RSPO2: variants seen among roughly 807,000 people sequenced by gnomAD.
RSPO2 encodes the protein R-spondin 2.
A neutral mutation model predicts 30.9 loss-of-function variants in RSPO2; 14 were observed. The observed-to-expected ratio is 0.45, with a 90% CI of 0.30 to 0.71. The LOEUF (loss-of-function observed/expected upper bound fraction) is 0.71. RSPO2 is among the 30% of genes least tolerant of loss of function. The pLI, the probability that RSPO2 is intolerant of heterozygous loss-of-function variation, is 0.08. For missense variants in RSPO2, 264 were observed against 301.9 expected (o/e 0.87, Z 0.93); for synonymous variants, 107 against 96.4 (o/e 1.11, Z -0.64).
intron 2 of RSPO2, among the ~76,000 whole-genome samples, chr8:108,038,488 T>C (rs532672209): frequency 6.6e-6 from 1 of 152,282 alleles, no homozygotes; most frequent in South Asian, 2.1e-4. Flanking sequence ...AGTGGCAAGG[T>C]TTGACAGGAT....
chr8:107,988,977 A>G (rs1814747756), intron 3 of RSPO2, 79 bp downstream of exon 3: 5 of 1,306,936 alleles, frequency 3.8e-6, no homozygotes, highest in Admixed American at 2.6e-5. Flanking sequence ...TTTTAAAAAA[A>G]TCATTCAAAA....
intron 2 of RSPO2, among the ~76,000 whole-genome samples, chr8:108,077,984 A>G (rs1813065323): frequency 6.6e-6 from 1 of 152,102 alleles, no homozygotes; most frequent in Non-Finnish European, 1.5e-5. Context: ...TCCAAAAGAA[A>G]TAGTTTAAAG....
At chr8:108,081,220 T>C (rs967562703) in intron 2 of RSPO2, among the ~76,000 whole-genome samples, 2 of 152,150 alleles carry the variant, frequency 1.3e-5, no homozygotes, top group African/African-American at 4.8e-5. Context: ...TTTGGAGCTC[T>C]GCGCTCAGGT....
chr8:107,937,929 A>T (rs983174702), intron 5 of RSPO2, among the ~76,000 whole-genome samples: 1 of 152,094 alleles, frequency 6.6e-6, no homozygotes, highest in Non-Finnish European at 1.5e-5. Flanking sequence ...ATATACACAC[A>T]CTGAACAAAT....
intron 5 of RSPO2, among the ~76,000 whole-genome samples, chr8:107,910,715 T>C (rs1276968974): frequency 1.3e-5 from 2 of 152,052 alleles, no homozygotes; most frequent in Non-Finnish European, 2.9e-5. Context: ...ATTTACCACC[T>C]CCTATTGCAG....
intron 5 of RSPO2, among the ~76,000 whole-genome samples, chr8:107,956,721 TG>T (rs980785153): frequency 7.2e-5 from 11 of 152,184 alleles, no homozygotes; most frequent in African/African-American, 2.6e-4. Flanking sequence ...GGAAGAGGAA[TG>T]GGGGAGGGGC....
At chr8:107,961,631 C>T (rs562015264) in intron 3 of RSPO2, among the ~76,000 whole-genome samples, 19 of 152,230 alleles carry the variant, frequency 1.2e-4, no homozygotes, top group African/African-American at 4.3e-4. Flanking sequence ...CAAGCTCTGC[C>T]CTTACCAGCT....
chr8:107,936,551 G>C (rs1812728326), intron 5 of RSPO2, among the ~76,000 whole-genome samples: 1 of 152,100 alleles, frequency 6.6e-6, no homozygotes, highest in South Asian at 2.1e-4. Context: ...GTTTTCTATA[G>C]TGGTTGTATT....
intron 5 of RSPO2, among the ~76,000 whole-genome samples, chr8:107,924,352 G>A (rs1018843963): frequency 6.6e-6 from 1 of 152,000 alleles, no homozygotes; most frequent in Admixed American, 6.6e-5. Context: ...TAAACATAAG[G>A]TGGAACTTAG....
intron 5 of RSPO2, among the ~76,000 whole-genome samples, chr8:107,956,326 C>CT (rs1325864104): frequency 2.0e-5 from 3 of 152,162 alleles, no homozygotes; most frequent in Non-Finnish European, 4.4e-5. Flanking sequence ...TATAGCTAGT[C>CT]TTTCCTAATA....
At chr8:107,903,542 A>G (rs1428358069) in intron 5 of RSPO2, among the ~76,000 whole-genome samples, 2 of 152,122 alleles carry the variant, frequency 1.3e-5, no homozygotes, top group African/African-American at 2.4e-5. Flanking sequence ...ATATTGTGTC[A>G]TAGGGAAGTT....
chr8:107,988,001 G>A (rs1814708331), intron 3 of RSPO2, among the ~76,000 whole-genome samples: 1 of 151,832 alleles, frequency 6.6e-6, no homozygotes, highest in Non-Finnish European at 1.5e-5. Flanking sequence ...ATTTTATTCT[G>A]TGGTCCCCTT....
intron 2 of RSPO2, among the ~76,000 whole-genome samples, chr8:108,005,591 G>A (rs1029972746): frequency 1.3e-5 from 2 of 152,004 alleles, no homozygotes; most frequent in African/African-American, 4.8e-5. Flanking sequence ...TATTCAATGG[G>A]CTATAGGCTG....
Position 108,082,684 on chromosome 8 carries a change from T to A in RSPO2, c.-46A>T. On this transcript the variant is annotated 5_prime_UTR_variant, in exon 2 of 6. Coordinates refer to ENST00000276659, the MANE Select transcript of RSPO2 (RefSeq NM_178565.5). ...GAGACGCCTCTCAAAGTCTAGGAAC[T>A]GGAGGGTTCGCCCAAAGAGCCGGCG... 2 of 1,537,086 alleles carry A rather than the reference T, an allele frequency of 1.3e-6. No individual in the cohort carries two copies. Among genetic ancestry groups the A allele is most frequent in the Non-Finnish European group, 1.8e-6 (2 of 1,113,186 alleles).
intron 2 of RSPO2, among the ~76,000 whole-genome samples, chr8:108,002,120 C>T (rs1030311835): frequency 3.9e-5 from 6 of 152,178 alleles, no homozygotes; most frequent in Non-Finnish European, 7.3e-5. Flanking sequence ...GTACAGATTA[C>T]TTATGCCAAG....
intron 5 of RSPO2, among the ~76,000 whole-genome samples, chr8:107,948,164 G>T (rs1204486089): frequency 3.9e-5 from 6 of 152,148 alleles, no homozygotes; most frequent in Non-Finnish European, 7.3e-5. Flanking sequence ...TCTTTAATGT[G>T]CATTTTCTTA....
At chr8:107,909,324 A>C (rs1484264607) in intron 5 of RSPO2, among the ~76,000 whole-genome samples, 1 of 140,118 alleles carries the variant, frequency 7.1e-6, no homozygotes, top group Admixed American at 7.9e-5. Context: ...GTGCAGTGGC[A>C]TGATCTTGGT....
intron 5 of RSPO2, among the ~76,000 whole-genome samples, chr8:107,956,254 T>G (rs527262105): frequency 1.3e-4 from 20 of 152,356 alleles, no homozygotes; most frequent in African/African-American, 4.8e-4. Context: ...TTTGAAAACC[T>G]ATTTAAAGGT....
Position 107,994,710 on chromosome 8 carries a change from G to A in RSPO2, c.95-5466C>T, listed in dbSNP as rs79471791. Among the ~76,000 whole-genome samples the A allele has an allele frequency of 9.8e-4, 149 of 152,098 alleles. 1 individual carries two copies. Among genetic ancestry groups the A allele is most frequent in the African/African-American group, 3.4e-3 (141 of 41,524 alleles). ...GAGGCCACAATGACTTCATTTTATCGAGTTAACCCAAGAAAGAATTAGGAG... is the reference window on the plus strand; with the variant it reads ...GAGGCCACAATGACTTCATTTTATCAAGTTAACCCAAGAAAGAATTAGGAG... On this transcript the variant is annotated intron_variant, in intron 2 of 5. Coordinates refer to ENST00000276659, the MANE Select transcript of RSPO2 (RefSeq NM_178565.5).
Sources: gnomAD v4.1 joint callset for allele counts (sites outside exome capture counted in the v4.1 genomes callset) on GRCh38, gnomAD v4.1.1 for gene constraint, MANE v1.5 for transcripts, NCBI Gene and HGNC (gene_info 2026-07-23, HGNC 2026-07-21) for gene names.